Variants in LRRTM4 observed in about 807,000 individuals in gnomAD.
LRRTM4 encodes leucine rich repeat transmembrane neuronal 4.
In LRRTM4, 25 loss-of-function variants were observed where a neutral mutation model predicts 47.6. That is an observed-to-expected ratio of 0.53 (90% CI 0.38 to 0.73). The LOEUF (loss-of-function observed/expected upper bound fraction) is 0.73, where lower values mean the gene tolerates loss of function less well. Among genes scored for constraint, LRRTM4 ranks in the 30% least tolerant of loss-of-function variants. The pLI, the probability that LRRTM4 is intolerant of heterozygous loss-of-function variation, is 0.00. For missense variants in LRRTM4, 638 were observed against 713.4 expected, an observed-to-expected ratio of 0.89 and a Z score of 1.20; for synonymous variants, 311 against 269.5, an observed-to-expected ratio of 1.15 and a Z score of -1.51.
intron 3 of LRRTM4, among the ~76,000 whole-genome samples, chr2:77,327,291 G>A (rs945361716): frequency 6.6e-6 from 1 of 152,146 alleles, no homozygotes; most frequent in Non-Finnish European, 1.5e-5. Flanking sequence ...AGAAAATGGA[G>A]TAACCCAAGA....
At chr2:77,283,540 A>T (rs1676563328) in intron 3 of LRRTM4, among the ~76,000 whole-genome samples, 1 of 152,102 alleles carries the variant, frequency 6.6e-6, no homozygotes. Flanking sequence ...TTGCAGCAGT[A>T]TTCACAATAG....
chr2:76,854,446 A>C (rs1672088483), intron 3 of LRRTM4, among the ~76,000 whole-genome samples: 1 of 152,170 alleles, frequency 6.6e-6, no homozygotes, highest in Admixed American at 6.5e-5. Flanking sequence ...CAATGACCAA[A>C]ATACAAAGCT....
intron 3 of LRRTM4, among the ~76,000 whole-genome samples, chr2:77,376,411 ATT>A (rs796997447): frequency 1.2e-4 from 17 of 143,758 alleles, no homozygotes; most frequent in African/African-American, 3.3e-4. Flanking sequence ...ATTTCACAAG[ATT>A]TTTTTTTTTT....
chr2:77,265,418 C>A (rs756985853), intron 3 of LRRTM4, among the ~76,000 whole-genome samples: 1 of 151,972 alleles, frequency 6.6e-6, no homozygotes, highest in African/African-American at 2.4e-5. Context: ...AAAGAATGAG[C>A]GTGGCATTTT....
chr2:77,065,921 T>G (rs1679935457), intron 3 of LRRTM4, among the ~76,000 whole-genome samples: 1 of 152,296 alleles, frequency 6.6e-6, no homozygotes, highest in South Asian at 2.1e-4. Context: ...CAATACTTGC[T>G]ACAGCACCAA....
intron 3 of LRRTM4, among the ~76,000 whole-genome samples, chr2:76,897,466 G>T (rs1449849747): frequency 1.3e-5 from 2 of 151,972 alleles, no homozygotes; most frequent in African/African-American, 2.4e-5. Context: ...GTTTACATAT[G>T]GTATGTGCTA....
At chr2:76,853,802 C>G (rs747973527) in intron 3 of LRRTM4, among the ~76,000 whole-genome samples, 2 of 152,116 alleles carry the variant, frequency 1.3e-5, no homozygotes, top group Non-Finnish European at 2.9e-5. Context: ...TTGTGTTTTT[C>G]TGTAAGAACA....
intron 3 of LRRTM4, among the ~76,000 whole-genome samples, chr2:76,882,081 A>C (rs185116497): frequency 1.2e-4 from 18 of 152,314 alleles, no homozygotes; most frequent in Admixed American, 9.8e-4. Context: ...CATAACACTT[A>C]GCATTTCAGA....
At chr2:76,930,001 C>A in intron 3 of LRRTM4, among the ~76,000 whole-genome samples, 1 of 150,392 alleles carries the variant, frequency 6.6e-6, no homozygotes. Context: ...GAGTGAAATC[C>A]AGTTTGAGTT....
chr2:76,786,466 T>C (rs1674677679), intron 3 of LRRTM4, among the ~76,000 whole-genome samples: 1 of 152,112 alleles, frequency 6.6e-6, no homozygotes, highest in Admixed American at 6.6e-5. Context: ...CATAGAACTC[T>C]AAAAAAACAG....
At chr2:77,450,471 G>C (rs907229363) in intron 3 of LRRTM4, among the ~76,000 whole-genome samples, 3 of 152,130 alleles carry the variant, frequency 2.0e-5, no homozygotes, top group Non-Finnish European at 4.4e-5. Context: ...AACATAGGAA[G>C]AAAACAGCTT....
intron 3 of LRRTM4, among the ~76,000 whole-genome samples, chr2:77,296,453 TGG>T (rs1676975924): frequency 6.6e-6 from 1 of 152,182 alleles, no homozygotes; most frequent in Admixed American, 6.5e-5. Flanking sequence ...GCATTTTTCT[TGG>T]GTTTTTGGTA....
intron 3 of LRRTM4, among the ~76,000 whole-genome samples, chr2:77,175,681 G>A (rs906356442): frequency 2.6e-4 from 39 of 152,184 alleles, no homozygotes; most frequent in African/African-American, 9.4e-4. Context: ...AGAGTTCAGG[G>A]CCTTTGCAGC....
intron 3 of LRRTM4, among the ~76,000 whole-genome samples, chr2:77,413,136 G>T (rs556148467): frequency 1.3e-5 from 2 of 152,282 alleles, no homozygotes; most frequent in Non-Finnish European, 2.9e-5. Context: ...AACTATTGGT[G>T]TTTATTATTC....
At position 77,373,108 on chromosome 2, in the gene LRRTM4, TAC is replaced by T. The variant is rs201710531; in HGVS notation, c.1551+145208_1551+145209del. 8.6e-3 allele frequency among the ~76,000 whole-genome samples: 1,263 copies of T among 146,314 alleles called. 6 individuals carry two copies. Among genetic ancestry groups the T allele is most frequent in the African/African-American group, 0.014 (583 of 40,322 alleles). On this transcript the variant is annotated intron_variant, in intron 3 of 3. Coordinates refer to ENST00000409884, the MANE Select transcript of LRRTM4 (RefSeq NM_001134745.3). ...AAAAAAATATATATATATATATATA[TAC>T]GCACACACATATATATACTATATAT...
At chr2:77,032,321 A>G (rs1192951241) in intron 3 of LRRTM4, among the ~76,000 whole-genome samples, 2 of 152,164 alleles carry the variant, frequency 1.3e-5, no homozygotes. Flanking sequence ...AATCATCTCA[A>G]ACAAAATAAC....
chr2:76,818,847 T>C (rs1482593656), intron 3 of LRRTM4, among the ~76,000 whole-genome samples: 1 of 151,734 alleles, frequency 6.6e-6, no homozygotes, highest in Non-Finnish European at 1.5e-5. Flanking sequence ...TCACATAAAC[T>C]ACCTAAACTT....
chr2:76,887,319 AC>A (rs1448193857), intron 3 of LRRTM4, among the ~76,000 whole-genome samples: 1 of 151,404 alleles, frequency 6.6e-6, no homozygotes, highest in African/African-American at 2.4e-5. Context: ...TTGTAAAGCA[AC>A]CTTTAATTTT....
At chr2:76,971,062 C>T (rs964605338) in intron 3 of LRRTM4, among the ~76,000 whole-genome samples, 3 of 151,912 alleles carry the variant, frequency 2.0e-5, no homozygotes, top group African/African-American at 7.2e-5. Flanking sequence ...TCCAAACATT[C>T]CAAGAGTCCT....
Sources: allele counts gnomAD v4.1 joint callset (sites outside exome capture counted in the v4.1 genomes callset), GRCh38; gene constraint gnomAD v4.1.1; transcripts MANE v1.5; gene names NCBI Gene and HGNC (gene_info 2026-07-23, HGNC 2026-07-21).